PLEKHA3: variants seen among roughly 807,000 people sequenced by gnomAD.
PLEKHA3 encodes pleckstrin homology domain-containing family A member 3.
Under a neutral mutation model 39.2 loss-of-function variants are expected in PLEKHA3, and 19 were observed. The ratio of observed to expected loss-of-function variants is 0.48; its 90% CI spans 0.34 to 0.71. PLEKHA3 has a LOEUF of 0.71. Among genes scored for constraint, PLEKHA3 ranks in the 30% least tolerant of loss-of-function variants. PLEKHA3 has a pLI of 0.01. For missense variants in PLEKHA3, 253 were observed against 359.5 expected (o/e 0.70, Z 2.40); for synonymous variants, 97 against 118.6 (o/e 0.82, Z 1.18).
intron 1 of PLEKHA3, among the ~76,000 whole-genome samples, chr2:178,484,608 G>GGATAC (rs1466572709): frequency 6.6e-6 from 1 of 152,068 alleles, no homozygotes; most frequent in Non-Finnish European, 1.5e-5. Flanking sequence ...AAAGTGACCG[G>GGATAC]GATACGAACA....
chr2:178,495,614 A>C lies in PLEKHA3; in HGVS notation c.569A>C (p.His190Pro), dbSNP rs146862822. 978 of 1,613,678 alleles carry C rather than the reference A, an allele frequency of 6.1e-4. 3 individuals carry two copies. The highest frequency in any genetic ancestry group is 3.9e-3 in the Admixed American group (232 of 59,930). The change falls in exon 5 of 8, where the codon CAT (histidine) becomes CCT (proline). Residue 190 changes from histidine to proline, a missense_variant. His to Pro is a moderately conservative substitution (Grantham distance 77). Around this residue, in one of 2 missense-constraint regions of PLEKHA3, gnomAD observed 127 missense variants for 136.8 expected, o/e 0.93. Transcript: ENST00000234453. ...KFKPEMFQLH[H>P]PDPLVSPVSP... ...AAACCTGAGATGTTTCAACTGCACC[A>C]TCCGGATCCCTTAGTTTCTCCTGTG...
intron 5 of PLEKHA3, among the ~76,000 whole-genome samples, chr2:178,496,960 A>AT (rs1224798525): frequency 6.6e-6 from 1 of 151,724 alleles, no homozygotes; most frequent in Non-Finnish European, 1.5e-5. Flanking sequence ...TTTTAAATTT[A>AT]TTTTTTGTAG....
At chr2:178,498,227 C>T (rs1685476782) in intron 5 of PLEKHA3, among the ~76,000 whole-genome samples, 1 of 152,052 alleles carries the variant, frequency 6.6e-6, no homozygotes, top group African/African-American at 2.4e-5. Context: ...GTTAGTAAGC[C>T]TAAAGGAAGT....
intron 2 of PLEKHA3, among the ~76,000 whole-genome samples, chr2:178,489,190 A>G (rs1455511669): frequency 6.6e-6 from 1 of 152,178 alleles, no homozygotes; most frequent in African/African-American, 2.4e-5. Context: ...TAGCCTAGAA[A>G]TCTTTTGCAT....
intron 1 of PLEKHA3, among the ~76,000 whole-genome samples, chr2:178,482,922 A>G (rs1009290740): frequency 1.3e-5 from 2 of 152,180 alleles, no homozygotes; most frequent in African/African-American, 4.8e-5. Context: ...ATCTTAGGTC[A>G]TAAGAATGAG....
intron 7 of PLEKHA3, chr2:178,502,419 A>G (rs1189606898): frequency 2.4e-6 from 1 of 413,292 alleles, no homozygotes; most frequent in Non-Finnish European, 4.8e-6. Flanking sequence ...AAGACCTGGA[A>G]GAGAAGAGGA....
chr2:178,500,470 T>A (rs1204611755), intron 6 of PLEKHA3, among the ~76,000 whole-genome samples: 1 of 152,162 alleles, frequency 6.6e-6, no homozygotes, highest in African/African-American at 2.4e-5. Context: ...ATTTGTTTCC[T>A]GATGAATCAA....
chr2:178,502,230 CT>C (rs146472277), intron 7 of PLEKHA3: 6,182 of 153,458 alleles, frequency 0.04, 15 homozygotes, highest in South Asian at 0.078. Flanking sequence ...TTGATAGAAT[CT>C]TTTTTTTTTT....
At chr2:178,488,876 C>G in intron 2 of PLEKHA3, 1 of 353,190 alleles carries the variant, frequency 2.8e-6, no homozygotes, top group Admixed American at 4.5e-5. Context: ...TTTAATTTCT[C>G]TCAGTAATGT....
Position 178,511,028 on chromosome 2 carries a change from T to C in PLEKHA3, c.*7141T>C, listed in dbSNP as rs1173000130. On this transcript the variant is annotated 3_prime_UTR_variant, in exon 8 of 8. Transcript: ENST00000234453. ...GTTTTTAAATCTCTTTCAGATATTT[T>C]AAGTATCTTTTTTGTGTCTGGATTC... 1 of 152,230 alleles carries C rather than the reference T, an allele frequency of 6.6e-6. No individual in the cohort carries two copies. Among genetic ancestry groups the C allele is most frequent in the Non-Finnish European group, 1.5e-5 (1 of 68,038 alleles). 9.4% of individuals were successfully genotyped at this position (152,230 alleles called of 1,614,324 possible).
At chr2:178,489,950 C>G (rs1319737190) in intron 2 of PLEKHA3, among the ~76,000 whole-genome samples, 1 of 152,104 alleles carries the variant, frequency 6.6e-6, no homozygotes, top group African/African-American at 2.4e-5. Flanking sequence ...TTCTTCCCCT[C>G]TATCTTCTCT....
At chr2:178,488,059 T>C (rs1207720894) in intron 2 of PLEKHA3, among the ~76,000 whole-genome samples, 1 of 151,828 alleles carries the variant, frequency 6.6e-6, no homozygotes, top group South Asian at 2.1e-4. Flanking sequence ...AGATCGCTTG[T>C]GCTCAGGAGT....
rs960743414 is a variant in PLEKHA3 at position 178,516,459 on chromosome 2, G to A, written c.*12572G>A. ...ATAAATTCAATAAAACCTGAGTGAT[G>A]TGAACAGTGTGGGGGAAAATGTTTA... On this transcript the variant is annotated 3_prime_UTR_variant, in exon 8 of 8. Coordinates refer to ENST00000234453, the MANE Select transcript of PLEKHA3 (RefSeq NM_019091.4). The A allele has an allele frequency of 1.3e-5, 2 of 152,084 alleles. No homozygotes were observed. Among genetic ancestry groups the A allele is most frequent in the African/African-American group, 4.8e-5 (2 of 41,418 alleles). 9.4% of individuals were successfully genotyped at this position (152,084 alleles called of 1,614,324 possible). A position where few individuals can be genotyped will look rare whatever the true frequency, so the allele number is the denominator to read the frequency against.
intron 5 of PLEKHA3, among the ~76,000 whole-genome samples, chr2:178,498,853 A>G (rs912659375): frequency 6.6e-5 from 10 of 152,080 alleles, no homozygotes; most frequent in African/African-American, 2.4e-4. Flanking sequence ...GGCTTGCTAG[A>G]TACTCCTTTT....
Position 178,490,716 on chromosome 2 carries a change from A to G in PLEKHA3, c.215A>G (p.Tyr72Cys). The G allele has an allele frequency of 6.2e-7, 1 of 1,613,952 alleles. No individual in the cohort carries two copies. The highest frequency in any genetic ancestry group is 8.5e-7 in the Non-Finnish European group (1 of 1,179,774). ...ELIIPGEQHF[Y>C]MKAVNAAERQ... ...ATCATTCCTGGAGAGCAGCATTTCT[A>G]CATGAAGGCAGTGAATGCAGCTGAA... Residue 72 changes from tyrosine to cysteine, a missense_variant, in exon 3 of 8, where the codon TAC (tyrosine) becomes TGC (cysteine). This residue lies in a region of PLEKHA3 where 126 missense variants were observed against 222.7 expected (regional missense o/e 0.57). Coordinates refer to ENST00000234453, the MANE Select transcript of PLEKHA3 (RefSeq NM_019091.4).
rs1685725948 is a variant in PLEKHA3 at position 178,514,063 on chromosome 2, A to G, written c.*10176A>G. On this transcript the variant is annotated 3_prime_UTR_variant, in exon 8 of 8. Coordinates refer to ENST00000234453, the MANE Select transcript of PLEKHA3 (RefSeq NM_019091.4). ...GTGCCTCATCTTGGGGAGGCTTTAG[A>G]ACACAGCTCTCATTTAGCTTATTAT... is the stretch of plus-strand genomic sequence containing the variant. The G allele has an allele frequency of 1.3e-5, 2 of 151,936 alleles. No homozygotes were observed. Among genetic ancestry groups the G allele is most frequent in the Non-Finnish European group, 2.9e-5 (2 of 68,016 alleles). 9.4% of individuals were successfully genotyped at this position (151,936 alleles called of 1,614,324 possible).
At chr2:178,489,052 C>T in intron 2 of PLEKHA3, 1 of 413,628 alleles carries the variant, frequency 2.4e-6, no homozygotes, top group Non-Finnish European at 4.9e-6. Context: ...TTAGTTTCAT[C>T]TTGTAGCAAC....
At position 178,511,667 on chromosome 2, in the gene PLEKHA3, G is replaced by C. The variant is rs907163356; in HGVS notation, c.*7780G>C. On this transcript the variant is annotated 3_prime_UTR_variant, in exon 8 of 8. Coordinates refer to ENST00000234453, the MANE Select transcript of PLEKHA3 (RefSeq NM_019091.4). ...ATTACAGGCGGGAGCCACCGTGCCC[G>C]ACCTGACCTCTCCATCTTTGGCGTC... is the stretch of plus-strand genomic sequence containing the variant. The C allele has an allele frequency of 1.3e-5, 2 of 151,616 alleles. No individual in the cohort carries two copies. The highest frequency in any genetic ancestry group is 4.9e-5 in the African/African-American group (2 of 41,142). The allele number at this position is 151,616 out of a possible 1,614,324, so 9.4% of individuals were successfully genotyped here. A position where few individuals can be genotyped will look rare whatever the true frequency, so the allele number is the denominator to read the frequency against.
At chr2:178,497,195 CAAATA>C (rs1369848675) in intron 5 of PLEKHA3, among the ~76,000 whole-genome samples, 2 of 150,512 alleles carry the variant, frequency 1.3e-5, no homozygotes, top group Non-Finnish European at 1.5e-5. Context: ...TATATATACA[CAAATA>C]AAATAAATAT....
Sources: allele counts gnomAD v4.1 joint callset (sites outside exome capture counted in the v4.1 genomes callset), GRCh38; gene constraint gnomAD v4.1.1; regional missense constraint gnomAD v4.1.1; transcripts MANE v1.5; gene names NCBI Gene and HGNC (gene_info 2026-07-23, HGNC 2026-07-21).